The following REV3L variants were observed in gnomAD, a reference collection of about 807,000 sequenced individuals.
REV3L encodes the protein REV3 like, DNA directed polymerase zeta catalytic subunit.
A neutral mutation model predicts 299.4 loss-of-function variants in REV3L; 69 were observed. That is an observed-to-expected ratio of 0.23 (90% CI 0.19 to 0.28). REV3L has a LOEUF of 0.28. REV3L is among the 10% of genes least tolerant of loss of function. The pLI is 1.00. For synonymous variants in REV3L, 1,238 were observed against 1,271.4 expected, an observed-to-expected ratio of 0.97 and a Z score of 0.56; for missense variants, 3,128 against 3,693.8, an observed-to-expected ratio of 0.85 and a Z score of 3.97.
intron 1 of REV3L, among the ~76,000 whole-genome samples, chr6:111,468,903 T>TAA (rs1343000343): frequency 1.3e-5 from 2 of 152,158 alleles, no homozygotes; most frequent in Admixed American, 1.3e-4. Context: ...CTCATGCCTG[T>TAA]AATCTCAGCA....
chr6:111,373,230 G>A lies in REV3L; in HGVS notation c.5125C>T (p.His1709Tyr). ...HDNQKCDEDK[H>Y]HTTDSASWIR... ...CATGAGGCTGAGTCTGTGGTATGAT[G>A]CTTGTCTTCATCACATTTCTGGTTG... The change falls in exon 13 of 32, where the codon CAT (histidine) becomes TAT (tyrosine). Residue 1709 changes from histidine to tyrosine, a missense_variant. Coordinates refer to ENST00000368802, the MANE Select transcript of REV3L (RefSeq NM_001372078.1). The A allele has an allele frequency of 6.2e-7, 1 of 1,614,036 alleles. No individual in the cohort carries two copies. The highest frequency in any genetic ancestry group is 2.2e-5 in the East Asian group (1 of 44,876).
At chr6:111,462,948 T>C (rs901196233) in intron 1 of REV3L, among the ~76,000 whole-genome samples, 12 of 151,768 alleles carry the variant, frequency 7.9e-5, no homozygotes, top group African/African-American at 2.2e-4. Context: ...GGAGTCCTCA[T>C]TGCAATTCGG....
rs183300857 is a variant in REV3L, at chr6:111,431,019, G to A, written c.140-14547C>T. 7.0e-5 allele frequency: 110 copies of A among 1,563,120 alleles called. No homozygotes were observed. The African/African-American group carries it at 1.4e-3, about 20-fold the overall frequency. ...GACAAAAGAACAAAGTCACTCCAGTGTTATATTTGAATTATGGGCCCTACA... is the reference window on the plus strand; with the variant it reads ...GACAAAAGAACAAAGTCACTCCAGTATTATATTTGAATTATGGGCCCTACA... On this transcript the variant is annotated intron_variant, in intron 1 of 31. Coordinates refer to ENST00000368802, the MANE Select transcript of REV3L (RefSeq NM_001372078.1).
chr6:111,375,001 T>C lies in REV3L; in HGVS notation c.3354A>G (p.Thr1118=). The change falls in exon 13 of 32, where the codon ACA becomes ACG. Residue 1118 remains threonine, a synonymous_variant. Transcript: ENST00000368802. ...GAGGTGGAGAAGAATTTATGGGACTTGTGCTTCTCTCAGAAAGAAAACCTA... is the reference window on the plus strand; with the variant it reads ...GAGGTGGAGAAGAATTTATGGGACTCGTGCTTCTCTCAGAAAGAAAACCTA... ...SKLGFLSERS[T]SPINSSPPRC... is the part of the protein sequence containing the mutation. 2 of 1,613,218 alleles carry C rather than the reference T, an allele frequency of 1.2e-6. No homozygotes were observed. Among genetic ancestry groups the C allele is most frequent in the South Asian group, 1.1e-5 (1 of 90,716 alleles).
chr6:111,307,551 G>A lies in REV3L; in HGVS notation c.9062C>T (p.Ser3021Phe). Residue 3021 changes from serine (S) to phenylalanine (F), a missense_variant, in exon 31 of 32, where the codon TCC becomes TTC. Ser to Phe is a radical substitution (Grantham distance 155). This residue lies in a region of REV3L where 294 missense variants were observed against 377.0 expected (regional missense o/e 0.78). Transcript: ENST00000368802. ...CCGCCCTTCAGGTTCACTTCGCGAG[G>A]AGCTGGTAGCTTTATGGATCTATAA... is the stretch of plus-strand genomic sequence containing the variant. ...ELPRIHKATS[S>F]SRSEPEGRKG... The A allele has an allele frequency of 1.2e-6, 2 of 1,614,208 alleles. No individual in the cohort carries two copies. The highest frequency in any genetic ancestry group is 1.7e-6 in the Non-Finnish European group (2 of 1,180,036).
At chr6:111,396,287 A>C (rs547116969) in intron 4 of REV3L, among the ~76,000 whole-genome samples, 5 of 152,126 alleles carry the variant, frequency 3.3e-5, no homozygotes, top group African/African-American at 1.2e-4. Context: ...TCAGCCTTCC[A>C]AAGTTCTGGG....
chr6:111,301,308 C>T (rs770945576), intron 31 of REV3L, among the ~76,000 whole-genome samples: 1 of 152,134 alleles, frequency 6.6e-6, no homozygotes, highest in African/African-American at 2.4e-5. Flanking sequence ...TCTAGTTTCA[C>T]CCTGGCCTTG....
In REV3L at chr6:111,311,275, A is replaced by G; in HGVS notation, c.8605-16T>C. 1.9e-6 allele frequency: 3 copies of G among 1,570,634 alleles called. No homozygotes were observed. Among genetic ancestry groups the G allele is most frequent in the Non-Finnish European group, 2.6e-6 (3 of 1,155,300 alleles). On this transcript the variant is annotated splice_polypyrimidine_tract_variant and intron_variant, in intron 28 of 31. Transcript: ENST00000368802. ...GCTCAAGTATCTTAAAACAAAAAAGATATGCAAGTAAAGATAAAATATCTC... is the reference window on the plus strand; with the variant it reads ...GCTCAAGTATCTTAAAACAAAAAAGGTATGCAAGTAAAGATAAAATATCTC...
rs554861055 is a variant in REV3L, at chr6:111,447,907, G to A, written c.140-31435C>T. 1.1e-4 allele frequency among the ~76,000 whole-genome samples: 16 copies of A among 152,230 alleles called. No individual in the cohort carries two copies. In the South Asian group the frequency reaches 3.3e-3, roughly 32 times the overall value. On this transcript the variant is annotated intron_variant, in intron 1 of 31. Coordinates refer to ENST00000368802, the MANE Select transcript of REV3L (RefSeq NM_001372078.1). ...ACTATACAAACACTGTGTTCATTGA[G>A]TATTGAGACTCAACTTCCTAAGTTA...
chr6:111,368,851 C>G (rs1320946823), intron 13 of REV3L, among the ~76,000 whole-genome samples: 1 of 152,108 alleles, frequency 6.6e-6, no homozygotes, highest in Non-Finnish European at 1.5e-5. Flanking sequence ...TCAATCACTT[C>G]TCTTAGGGCA....
rs1780074120 is a variant in REV3L at position 111,374,212 on chromosome 6, C to G, written c.4143G>C (p.Lys1381Asn). 6 of 1,613,884 alleles carry G rather than the reference C, an allele frequency of 3.7e-6. No individual in the cohort carries two copies. Among genetic ancestry groups the G allele is most frequent in the Middle Eastern group, 3.3e-4 (2 of 6,058 alleles). ...GTATATTATTTGCATTATCTTCTAT[C>G]TTTGAGGACATACCAGAAGATATCT... ...NTQISSGMSS[K>N]IEDNANNIQR... Residue 1381 changes from lysine (K) to asparagine (N), a missense_variant, in exon 13 of 32, where the codon AAG becomes AAC. By Grantham distance (94) the Lys-to-Asn change is moderately conservative. Coordinates refer to ENST00000368802, the MANE Select transcript of REV3L (RefSeq NM_001372078.1).
intron 26 of REV3L, 70 bp downstream of exon 26, chr6:111,322,499 G>T: frequency 2.7e-6 from 3 of 1,128,788 alleles, no homozygotes; most frequent in South Asian, 1.3e-5. Flanking sequence ...ATTCCCTTAA[G>T]CCATTTTAAA....
rs747746023 is a variant in REV3L, at chr6:111,375,442, C to T, written c.2913G>A (p.Leu971=). 1.7e-5 allele frequency: 27 copies of T among 1,599,202 alleles called. No homozygotes were observed. Among genetic ancestry groups the T allele is most frequent in the Non-Finnish European group, 2.1e-5 (25 of 1,175,896 alleles). ...SRKRRKMSKK[L]PPVIIKYIII... ...TAATATACTTTATGATGACAGGGGGCAGCTTTTTAGACATTTTTCTTCGTT... is the reference window on the plus strand; with the variant it reads ...TAATATACTTTATGATGACAGGGGGTAGCTTTTTAGACATTTTTCTTCGTT... The change falls in exon 13 of 32, where the codon CTG becomes CTA. Residue 971 remains leucine, a synonymous_variant. Coordinates refer to ENST00000368802, the MANE Select transcript of REV3L (RefSeq NM_001372078.1).
At chr6:111,449,231 G>A (rs1046551871) in intron 1 of REV3L, among the ~76,000 whole-genome samples, 1 of 152,172 alleles carries the variant, frequency 6.6e-6, no homozygotes, top group African/African-American at 2.4e-5. Context: ...TGAGAGACGG[G>A]AAACAAACAT....
intron 30 of REV3L, chr6:111,307,928 C>A (rs1772512082): frequency 7.1e-6 from 2 of 282,296 alleles, no homozygotes; most frequent in South Asian, 6.7e-5. Context: ...AATGCTATCC[C>A]TCCCCCAGCT....
At position 111,368,424 on chromosome 6, in the gene REV3L, T is replaced by C. The variant is rs17510956; in HGVS notation, c.5760-396A>G. 7.8e-3 allele frequency among the ~76,000 whole-genome samples: 1,184 copies of C among 152,340 alleles called. 12 individuals are homozygous for C. The highest frequency in any genetic ancestry group is 0.027 in the African/African-American group (1,121 of 41,572). On this transcript the variant is annotated intron_variant, in intron 13 of 31. Coordinates refer to ENST00000368802, the MANE Select transcript of REV3L (RefSeq NM_001372078.1). ...ATGAATTTATCATTCAAATACTATG[T>C]CCCTGGATATTATTCATAGCTTCTT...
Position 111,429,589 on chromosome 6 carries a change from T to C in REV3L, c.140-13117A>G, listed in dbSNP as rs535227293. On this transcript the variant is annotated intron_variant, in intron 1 of 31. Coordinates refer to ENST00000368802, the MANE Select transcript of REV3L (RefSeq NM_001372078.1). ...AATCTACCAAAAACAGTAATACTTA[T>C]AGCAACCCATTAAGAGATAGGCAAT... 1.2e-3 allele frequency among the ~76,000 whole-genome samples: 177 copies of C among 151,334 alleles called. 1 individual carries two copies. Among genetic ancestry groups the C allele is most frequent in the South Asian group, 1.7e-3 (8 of 4,808 alleles).
chr6:111,414,822 CTCAACCTTCAGAATAG>C (rs762757095), intron 2 of REV3L, among the ~76,000 whole-genome samples: 12 of 152,154 alleles, frequency 7.9e-5, no homozygotes, highest in Non-Finnish European at 1.3e-4. Context: ...AATACATTAA[CTCAACCTTCAGAATAG>C]ATCCAGAAGC....
intron 4 of REV3L, among the ~76,000 whole-genome samples, chr6:111,395,480 T>C (rs1281391963): frequency 6.6e-6 from 1 of 152,172 alleles, no homozygotes; most frequent in Non-Finnish European, 1.5e-5. Flanking sequence ...ATAAATGGGA[T>C]TGTGTTCTTG....
Sources: allele counts gnomAD v4.1 joint callset (sites outside exome capture counted in the v4.1 genomes callset), GRCh38; gene constraint gnomAD v4.1.1; regional missense constraint gnomAD v4.1.1; transcripts MANE v1.5; gene names NCBI Gene and HGNC (gene_info 2026-07-23, HGNC 2026-07-21).